PTPRG: variants seen among roughly 807,000 people sequenced by gnomAD.
The protein encoded by PTPRG is receptor-type tyrosine-protein phosphatase gamma.
PTPRG carries 102 observed loss-of-function variants against 165.3 expected under a neutral mutation model. That is an observed-to-expected ratio of 0.62 (90% confidence interval 0.53 to 0.73). The LOEUF (loss-of-function observed/expected upper bound fraction) is 0.73, where lower values mean the gene tolerates loss of function less well. PTPRG is among the 30% of genes least tolerant of loss of function. The pLI is 0.00. For missense variants in PTPRG, 1,866 were observed against 1,861.4 expected (o/e 1.00, Z -0.05); for synonymous variants, 675 against 669.5 (o/e 1.01, Z -0.13).
Position 62,195,014 on chromosome 3 carries a change from C to T in PTPRG, c.1219-48C>T, listed in dbSNP as rs1238786838. On this transcript the variant is annotated intron_variant, in intron 9 of 29. Coordinates refer to ENST00000474889, the MANE Select transcript of PTPRG (RefSeq NM_002841.4). The surrounding 1 kb of genome is among the most constrained non-coding windows in gnomAD (Gnocchi z 4.4). The stretch of plus-strand genomic sequence containing the variant: ...GTTTGGCTTTAGAATGCAAAGTGTG[C>T]CTTGGCCTTCAAAACTAACTCACTG... The T allele has an allele frequency of 6.4e-7, 1 of 1,563,342 alleles. No individual in the cohort carries two copies. The highest frequency in any genetic ancestry group is 8.8e-7 in the Non-Finnish European group (1 of 1,134,304).
chr3:61,692,494 G>C (rs2030285670), intron 1 of PTPRG, among the ~76,000 whole-genome samples: 1 of 152,152 alleles, frequency 6.6e-6, no homozygotes. Flanking sequence ...CGTGTGAAGA[G>C]ACCACCAAAC....
At chr3:61,573,376 C>T (rs994166245) in intron 1 of PTPRG, among the ~76,000 whole-genome samples, 1 of 152,078 alleles carries the variant, frequency 6.6e-6, no homozygotes, top group Non-Finnish European at 1.5e-5. Context: ...TATTGCTGCC[C>T]TCCTAATTTT....
rs1700818651 is a variant in PTPRG at position 62,228,522 on chromosome 3, A to C, written c.2289-2703A>C. On this transcript the variant is annotated intron_variant, in intron 13 of 29. Coordinates refer to ENST00000474889, the MANE Select transcript of PTPRG (RefSeq NM_002841.4). This position sits in a 1 kb window ranked among gnomAD's most constrained non-coding sequence, Gnocchi z 4.1. ...GAGCAAAACTCCATCTCAAAAAAAA[A>C]AAAGAAAGAAAGAAAAAAGAAAAAG... Among the ~76,000 whole-genome samples, 1 of 151,992 alleles carries C rather than the reference A, an allele frequency of 6.6e-6. No individual in the cohort carries two copies. The highest frequency in any genetic ancestry group is 2.4e-5 in the African/African-American group (1 of 41,388).
intron 14 of PTPRG, chr3:62,243,426 T>C (rs1701209867): frequency 6.4e-6 from 1 of 156,206 alleles, no homozygotes; most frequent in South Asian, 2.0e-4. Flanking sequence ...GTTTTGAACT[T>C]GGTGCTGGGG....
intron 2 of PTPRG, among the ~76,000 whole-genome samples, chr3:61,956,275 G>GTC (rs199816889): frequency 7.4e-4 from 91 of 122,354 alleles, no homozygotes; most frequent in Admixed American, 2.8e-3. Flanking sequence ...CGTGCACGCT[G>GTC]TCTCTCTCTC....
At chr3:61,839,618 G>A (rs913217352) in intron 2 of PTPRG, among the ~76,000 whole-genome samples, 1 of 151,964 alleles carries the variant, frequency 6.6e-6, no homozygotes, top group African/African-American at 2.4e-5. Context: ...CAGTACTTTC[G>A]TATTTGAAAA....
Position 62,297,092 on chromosome 3 carries a change from A to AATC in PTPRG, c.*3788_*3790dup, listed in dbSNP as rs1703086844. 1 of 152,094 alleles carries AATC rather than the reference A, an allele frequency of 6.6e-6. No homozygotes were observed. The highest frequency in any genetic ancestry group is 2.1e-4 in the South Asian group (1 of 4,828). 9.4% of individuals were successfully genotyped at this position (152,094 alleles called of 1,614,324 possible). A position where few individuals can be genotyped will look rare whatever the true frequency, so the allele number is the denominator to read the frequency against. The stretch of plus-strand genomic sequence containing the variant: ...TTCACTCCATTTTGAAATAGCTAAA[A>AATC]ATCATTAAAACTGTAAATATTTTGT... On this transcript the variant is annotated 3_prime_UTR_variant, in exon 30 of 30. Transcript: ENST00000474889.
At chr3:62,110,112 T>TG (rs56779015) in intron 5 of PTPRG, among the ~76,000 whole-genome samples, 1 of 121,002 alleles carries the variant, frequency 8.3e-6, no homozygotes, top group Non-Finnish European at 1.8e-5. Context: ...TTTTTTTTTT[T>TG]GCAGTAGCTT....
intron 1 of PTPRG, among the ~76,000 whole-genome samples, chr3:61,642,260 T>C (rs1381580036): frequency 6.6e-6 from 1 of 152,132 alleles, no homozygotes; most frequent in African/African-American, 2.4e-5. Flanking sequence ...CCTTGCAGTT[T>C]GTAAAGCCAT....
At chr3:62,030,175 A>G (rs944281510) in intron 4 of PTPRG, among the ~76,000 whole-genome samples, 2 of 148,814 alleles carry the variant, frequency 1.3e-5, no homozygotes, top group African/African-American at 5.1e-5. Context: ...CAGTTCTAAA[A>G]TGATGGGAAA....
chr3:62,192,787 A>G (rs1473853128), intron 9 of PTPRG, among the ~76,000 whole-genome samples: 1 of 152,110 alleles, frequency 6.6e-6, no homozygotes, highest in Non-Finnish European at 1.5e-5. Context: ...GTTTATTGTT[A>G]ATCAAAGGAA....
intron 12 of PTPRG, among the ~76,000 whole-genome samples, chr3:62,208,803 C>T (rs1042339589): frequency 1.2e-4 from 19 of 152,220 alleles, no homozygotes; most frequent in Non-Finnish European, 7.3e-5. Flanking sequence ...ATAATAACAG[C>T]GTCACCAGTG....
chr3:61,896,972 C>A (rs892588821), intron 2 of PTPRG, among the ~76,000 whole-genome samples: 2 of 150,854 alleles, frequency 1.3e-5, no homozygotes, highest in African/African-American at 4.9e-5. Flanking sequence ...ATTCTGAATA[C>A]TAGTCCTTTG....
intron 1 of PTPRG, among the ~76,000 whole-genome samples, chr3:61,617,606 G>A (rs1451182356): frequency 2.0e-5 from 3 of 152,202 alleles, no homozygotes; most frequent in African/African-American, 7.2e-5. Flanking sequence ...GGCTTACCGG[G>A]GAGGCAAGCT....
At chr3:61,883,592 C>T (rs2037947827) in intron 2 of PTPRG, among the ~76,000 whole-genome samples, 1 of 152,102 alleles carries the variant, frequency 6.6e-6, no homozygotes, top group African/African-American at 2.4e-5. Flanking sequence ...AAAATAGTGT[C>T]TGTGTGTTAG....
intron 2 of PTPRG, among the ~76,000 whole-genome samples, chr3:61,793,264 A>G (rs1044617865): frequency 6.6e-6 from 1 of 152,018 alleles, no homozygotes; most frequent in African/African-American, 2.4e-5. Context: ...ACTTGAATGG[A>G]TATGTCACCT....
At chr3:61,746,259 C>T (rs1247057593) in intron 1 of PTPRG, among the ~76,000 whole-genome samples, 1 of 137,586 alleles carries the variant, frequency 7.3e-6, no homozygotes, top group African/African-American at 2.7e-5. Flanking sequence ...CGCTGTGTCT[C>T]CCAGGCTGGA....
intron 2 of PTPRG, among the ~76,000 whole-genome samples, chr3:61,871,245 T>G (rs927761861): frequency 2.0e-5 from 3 of 151,644 alleles, no homozygotes; most frequent in African/African-American, 7.3e-5. Context: ...TGTTATATTT[T>G]AAGACAGGGT....
At chr3:61,591,856 A>T (rs1421778133) in intron 1 of PTPRG, among the ~76,000 whole-genome samples, 1 of 152,194 alleles carries the variant, frequency 6.6e-6, no homozygotes, top group African/African-American at 2.4e-5. Flanking sequence ...TAGCTAAGTT[A>T]CTCAACCTAT....
Sources: allele counts gnomAD v4.1 joint callset (sites outside exome capture counted in the v4.1 genomes callset), GRCh38; gene constraint gnomAD v4.1.1; non-coding constraint Gnocchi (gnomAD v3.1); transcripts MANE v1.5; gene names NCBI Gene and HGNC (gene_info 2026-07-23, HGNC 2026-07-21).